LRRC71: variants seen among roughly 807,000 people sequenced by gnomAD.
LRRC71 encodes the protein leucine-rich repeat-containing protein 71.
Under a neutral mutation model 66.6 loss-of-function variants are expected in LRRC71, and 54 were observed. The ratio of observed to expected loss-of-function variants is 0.81; its 90% CI spans 0.65 to 1.02. The LOEUF (loss-of-function observed/expected upper bound fraction) is 1.02, where lower values mean the gene tolerates loss of function less well. Among genes scored for constraint, LRRC71 ranks in the 50% least tolerant of loss-of-function variants. LRRC71 has a pLI of 0.00. For synonymous variants in LRRC71, 323 were observed against 303.9 expected (o/e 1.06, Z -0.65); for missense variants, 724 against 718.0 (o/e 1.01, Z -0.10).
chr1:156,924,555 G>A lies in LRRC71; in HGVS notation c.439+3G>A, dbSNP rs755284077. 7.3e-5 allele frequency: 113 copies of A among 1,551,342 alleles called. No homozygotes were observed. Among genetic ancestry groups the A allele is most frequent in the Non-Finnish European group, 9.2e-5 (106 of 1,146,942 alleles). On this transcript the variant is annotated splice_donor_region_variant and intron_variant, in intron 3 of 14. Coordinates refer to ENST00000337428, the MANE Select transcript of LRRC71 (RefSeq NM_144702.3). ...AGTGAAGGAAATCTACATCCGCGGT[G>A]AGCCCCGCTCCCCCCACCCGCCCCA...
chr1:156,921,254 A>G (rs1355217242), intron 1 of LRRC71, among the ~76,000 whole-genome samples: 2 of 152,170 alleles, frequency 1.3e-5, no homozygotes, highest in African/African-American at 2.4e-5. Flanking sequence ...GAGTTTACAG[A>G]TGTTCATTCA....
At chr1:156,934,334 G>A (rs1279906738), downstream of LRRC71, among the ~76,000 whole-genome samples, 4 of 152,176 alleles carry the variant, frequency 2.6e-5, no homozygotes, top group Non-Finnish European at 5.9e-5. Context: ...AGGAGACAGA[G>A]GTGAATGGTT....
At chr1:156,936,728 C>T (rs192474134), downstream of LRRC71, 8 of 1,416,226 alleles carry the variant, frequency 5.6e-6, no homozygotes, top group Admixed American at 1.5e-4. Flanking sequence ...TCAGAACCAC[C>T]ATCTCTCACT....
chr1:156,926,260 G>A (rs1210443093), intron 5 of LRRC71, among the ~76,000 whole-genome samples: 1 of 152,194 alleles, frequency 6.6e-6, no homozygotes, highest in Non-Finnish European at 1.5e-5. Flanking sequence ...GATGACCTGG[G>A]GGTGGGCTAG....
the LRRC71 span, chr1:156,938,484 C>T: frequency 1.2e-6 from 2 of 1,613,584 alleles, no homozygotes; most frequent in Non-Finnish European, 8.5e-7. Context: ...TCTGGTAGTG[C>T]AGGGACAACC....
the LRRC71 span, chr1:156,939,418 C>T: frequency 1.3e-5 from 17 of 1,324,444 alleles, no homozygotes; most frequent in Admixed American, 2.4e-4. Flanking sequence ...CTCCTTCTTC[C>T]AGGACCCAGC....
intron 6 of LRRC71, 110 bp from the exon 7 acceptor site, chr1:156,927,386 C>T: frequency 6.6e-7 from 1 of 1,519,612 alleles, no homozygotes; most frequent in Non-Finnish European, 8.9e-7. Context: ...TCGATTTCTG[C>T]CCCTACATCC....
At chr1:156,928,426 CTCT>C (rs201518646) in intron 9 of LRRC71, among the ~76,000 whole-genome samples, 22,016 of 81,586 alleles carry the variant, frequency 0.27, 1,795 homozygotes, top group East Asian at 0.48. Flanking sequence ...CCTCCTCCTC[CTCT>C]TCTTCTTCCT....
At chr1:156,939,230 C>G in the LRRC71 span, 2 of 361,568 alleles carry the variant, frequency 5.5e-6, no homozygotes, top group Non-Finnish European at 1.0e-5. Flanking sequence ...GGAGCACTAA[C>G]AGAGACTGGT....
In LRRC71 at chr1:156,921,669, A is replaced by G. The variant is rs1297998015; in HGVS notation, c.160+706A>G. 4 of 985,390 alleles carry G rather than the reference A, an allele frequency of 4.1e-6. No homozygotes were observed. The East Asian group carries it at 4.5e-4, about 112-fold the overall frequency. 61.0% of individuals were successfully genotyped at this position (985,390 alleles called of 1,614,324 possible). On this transcript the variant is annotated intron_variant, in intron 1 of 14. Coordinates refer to ENST00000337428, the MANE Select transcript of LRRC71 (RefSeq NM_144702.3). ...AACATCTTCTGGAAGGGAAGACAAGACAGTATACAATCCCCTACAGGTACG... is the reference window on the plus strand; with the variant it reads ...AACATCTTCTGGAAGGGAAGACAAGGCAGTATACAATCCCCTACAGGTACG...
At position 156,927,509 on chromosome 1, in the gene LRRC71, T is replaced by G. The variant is rs1173680534; in HGVS notation, c.676T>G (p.Ser226Ala). The change falls in exon 7 of 15, where the codon TCT becomes GCT. Residue 226 changes from serine (S) to alanine (A), a missense_variant. By Grantham distance (99) the Ser-to-Ala change is moderately conservative. Coordinates refer to ENST00000337428, the MANE Select transcript of LRRC71 (RefSeq NM_144702.3). ...MALDSTIAHL[S>A]LRNNNIDDRG... ...CGGCTGCCCCAGGATTGCGCACTTG[T>G]CTCTGCGGAACAATAACATCGACGA... 1 of 1,532,506 alleles carries G rather than the reference T, an allele frequency of 6.5e-7. No homozygotes were observed. The highest frequency in any genetic ancestry group is 2.1e-5 in the Admixed American group (1 of 48,680). 94.9% of individuals were successfully genotyped at this position (1,532,506 alleles called of 1,614,324 possible).
intron 2 of LRRC71, 98 bp from the exon 3 acceptor site, chr1:156,924,325 CT>C: frequency 6.8e-7 from 1 of 1,468,230 alleles, no homozygotes; most frequent in Non-Finnish European, 9.1e-7. Flanking sequence ...CGCCTCCCCT[CT>C]GGCGGTGTCC....
rs754629736 is a variant in LRRC71, at chr1:156,927,488, T to G, written c.663-8T>G. The G allele has an allele frequency of 6.6e-7, 1 of 1,521,918 alleles. No individual in the cohort carries two copies. The highest frequency in any genetic ancestry group is 1.3e-5 in the South Asian group (1 of 76,280). 94.3% of individuals were successfully genotyped at this position (1,521,918 alleles called of 1,614,324 possible). A position where few individuals can be genotyped will look rare whatever the true frequency, so the allele number is the denominator to read the frequency against. On this transcript the variant is annotated splice_region_variant and splice_polypyrimidine_tract_variant and intron_variant, in intron 6 of 14. Transcript: ENST00000337428. ...CAGCGACCCACATTCTCCCTCCGGCTGCCCCAGGATTGCGCACTTGTCTCT... is the reference window on the plus strand; with the variant it reads ...CAGCGACCCACATTCTCCCTCCGGCGGCCCCAGGATTGCGCACTTGTCTCT...
Position 156,933,063 on chromosome 1 carries a change from A to C in LRRC71, c.*94A>C. On this transcript the variant is annotated 3_prime_UTR_variant, in exon 15 of 15. Transcript: ENST00000337428. The stretch of plus-strand genomic sequence containing the variant: ...CCTCCCTGGGGGAGATCTCAGACCA[A>C]TAACAAAGTCTGTTGCTATACTTTT... The C allele has an allele frequency of 1.2e-6, 1 of 825,388 alleles. No homozygotes were observed. 51.1% of individuals were successfully genotyped at this position (825,388 alleles called of 1,614,324 possible).
At chr1:156,939,919 G>GA in the LRRC71 span, 1 of 1,599,448 alleles carries the variant, frequency 6.3e-7, no homozygotes, top group Non-Finnish European at 8.5e-7. Context: ...CACTGGAGGG[G>GA]AAACAGGGTG....
chr1:156,931,505 C>A (rs925792220), intron 12 of LRRC71, among the ~76,000 whole-genome samples: 2 of 152,194 alleles, frequency 1.3e-5, no homozygotes, highest in African/African-American at 4.8e-5. Flanking sequence ...CCTCATTGCT[C>A]TAGGTGTTGG....
In LRRC71 at chr1:156,927,206, G is replaced by T; in HGVS notation, c.598G>T (p.Val200Leu). Residue 200 changes from valine to leucine, a missense_variant, in exon 6 of 15, where the codon GTG becomes TTG. Transcript: ENST00000337428. ...TCAGATCTCCCCTGCCCTCAGGAAGGTGTCTCTGGAGGGGAACCCACTGCC... is the reference window on the plus strand; with the variant it reads ...TCAGATCTCCCCTGCCCTCAGGAAGTTGTCTCTGGAGGGGAACCCACTGCC... ...LPLCSSTLRK[V>L]SLEGNPLPEQ... 2.5e-6 allele frequency: 4 copies of T among 1,612,504 alleles called. No homozygotes were observed. The highest frequency in any genetic ancestry group is 2.2e-5 in the South Asian group (2 of 90,524).
At chr1:156,924,871 T>TG in intron 4 of LRRC71, 67 bp from the exon 5 acceptor site, 1 of 1,527,942 alleles carries the variant, frequency 6.5e-7, no homozygotes, top group Non-Finnish European at 8.9e-7. Flanking sequence ...GAGAACGGTG[T>TG]GGGGAGGGTT....
rs1302723423 is a variant in LRRC71, at chr1:156,933,074, T to G, written c.*105T>G. 5.3e-6 allele frequency: 4 copies of G among 760,828 alleles called. No homozygotes were observed. Among genetic ancestry groups the G allele is most frequent in the Non-Finnish European group, 8.6e-6 (4 of 467,228 alleles). 47.1% of individuals were successfully genotyped at this position (760,828 alleles called of 1,614,324 possible). On this transcript the variant is annotated 3_prime_UTR_variant, in exon 15 of 15. Coordinates refer to ENST00000337428, the MANE Select transcript of LRRC71 (RefSeq NM_144702.3). ...GAGATCTCAGACCAATAACAAAGTCTGTTGCTATACTTTTCCTTGAGGTCG... is the reference window on the plus strand; with the variant it reads ...GAGATCTCAGACCAATAACAAAGTCGGTTGCTATACTTTTCCTTGAGGTCG...
Sources: allele counts gnomAD v4.1 joint callset (sites outside exome capture counted in the v4.1 genomes callset), GRCh38; gene constraint gnomAD v4.1.1; transcripts MANE v1.5; gene names NCBI Gene and HGNC (gene_info 2026-07-23, HGNC 2026-07-21).